TDRKH: variants seen among roughly 807,000 people sequenced by gnomAD.
TDRKH encodes the protein tudor and KH domain containing, also known as tudor and KH domain-containing protein.
In TDRKH, 28 loss-of-function variants were observed where a neutral mutation model predicts 61.3. That is an observed-to-expected ratio of 0.46 (90% confidence interval 0.34 to 0.63). The LOEUF is 0.63. Among genes scored for constraint, TDRKH ranks in the 20% least tolerant of loss-of-function variants. The pLI, the probability that TDRKH is intolerant of heterozygous loss-of-function variation, is 0.01. For missense variants in TDRKH, 540 were observed against 683.4 expected (o/e 0.79, Z 2.34); for synonymous variants, 219 against 244.4 (o/e 0.90, Z 0.97).
Position 151,780,044 on chromosome 1 carries a change from T to C in TDRKH, c.328A>G (p.Lys110Glu). 6.2e-7 allele frequency: 1 copy of C among 1,614,206 alleles called. No homozygotes were observed. Among genetic ancestry groups the C allele is most frequent in the East Asian group, 2.2e-5 (1 of 44,888 alleles). ...ATCTGATGGATTGCTGCTTTGGCCTTGCACACCTGAACAGGAAAACCACTG... is the reference window on the plus strand; with the variant it reads ...ATCTGATGGATTGCTGCTTTGGCCTCGCACACCTGAACAGGAAAACCACTG... ...LISGFPVQVC[K>E]AKAAIHQILT... is the part of the protein sequence containing the mutation. The change falls in exon 4 of 13, where the codon AAG (lysine) becomes GAG (glutamate). Residue 110 changes from lysine (K) to glutamate (E), a missense_variant. Lys to Glu is a moderately conservative substitution (Grantham distance 56). Around this residue, in one of 3 missense-constraint regions of TDRKH, gnomAD observed 156 missense variants for 218.0 expected, o/e 0.72. Coordinates refer to ENST00000368824, the MANE Select transcript of TDRKH (RefSeq NM_001083965.2).
intron 1 of TDRKH, among the ~76,000 whole-genome samples, chr1:151,785,950 C>T (rs1411131634): frequency 6.6e-6 from 1 of 152,062 alleles, no homozygotes; most frequent in Non-Finnish European, 1.5e-5. Context: ...ATAAGATTTG[C>T]TTAAAAATGA....
intron 3 of TDRKH, among the ~76,000 whole-genome samples, chr1:151,780,679 T>C (rs954219726): frequency 6.6e-6 from 1 of 151,924 alleles, no homozygotes; most frequent in Non-Finnish European, 1.5e-5. Flanking sequence ...TGAAACCCTG[T>C]CTCTACAAAA....
intron 3 of TDRKH, 116 bp from the exon 4 acceptor site, chr1:151,780,256 AATACTATCTATACAACC>A: frequency 7.7e-6 from 7 of 914,508 alleles, no homozygotes; most frequent in Non-Finnish European, 8.1e-6. Flanking sequence ...GGAATTAGCT[AATACTATCTATACAACC>A]AGTCCTCAAT....
chr1:151,779,694 C>T lies in TDRKH; in HGVS notation c.421+257G>A, dbSNP rs1649557178. ...GCATCCCAAGCTTCCCTTTAAAAAT[C>T]AATTATAAGGTAAATATAATACATC... On this transcript the variant is annotated intron_variant, in intron 4 of 12. Transcript: ENST00000368824. 3 of 413,208 alleles carry T rather than the reference C, an allele frequency of 7.3e-6. No homozygotes were observed. In the Admixed American group the frequency reaches 1.2e-4, roughly 16 times the overall value. The allele number at this position is 413,208 out of a possible 1,614,324, so 25.6% of individuals were successfully genotyped here. A position where few individuals can be genotyped will look rare whatever the true frequency, so the allele number is the denominator to read the frequency against.
chr1:151,786,726 G>A (rs11204889), intron 1 of TDRKH, among the ~76,000 whole-genome samples: 4,114 of 152,194 alleles, frequency 0.027, 195 homozygotes, highest in African/African-American at 0.095. Context: ...CTTCTTGCCC[G>A]GACTCAAAAG....
chr1:151,777,263 G>T (rs1451090707), intron 6 of TDRKH, among the ~76,000 whole-genome samples: 1 of 152,044 alleles, frequency 6.6e-6, no homozygotes, highest in African/African-American at 2.4e-5. Context: ...TGTCCAACAT[G>T]GTGAAACCCC....
At position 151,776,587 on chromosome 1, in the gene TDRKH, T is replaced by G; in HGVS notation, c.896A>C (p.Asp299Ala). Residue 299 changes from aspartate (D) to alanine (A), a missense_variant, in exon 7 of 13, where the codon GAC (aspartate) becomes GCC (alanine). By Grantham distance (126) the Asp-to-Ala change is moderately radical. Coordinates refer to ENST00000368824, the MANE Select transcript of TDRKH (RefSeq NM_001083965.2). ...GTACTCATCAGCATGAAAACTGAAG[T>G]CAGGACTGGGGACTGAACACAGAGA... ...EMPMFEIPSP[D>A]FSFHADEYLE... 1 of 1,613,960 alleles carries G rather than the reference T, an allele frequency of 6.2e-7. No homozygotes were observed. The highest frequency in any genetic ancestry group is 1.1e-5 in the South Asian group (1 of 91,072).
Position 151,774,509 on chromosome 1 carries a change from T to A in TDRKH, c.1634-5A>T. ...CACCAGACATGGAAGCAGCTTCTATTGAAGATAAATAAGAAGGAGAAAGTT... is the reference window on the plus strand; with the variant it reads ...CACCAGACATGGAAGCAGCTTCTATAGAAGATAAATAAGAAGGAGAAAGTT... On this transcript the variant is annotated splice_region_variant and splice_polypyrimidine_tract_variant and intron_variant, in intron 12 of 12. Transcript: ENST00000368824. 2.5e-6 allele frequency: 4 copies of A among 1,614,146 alleles called. No individual in the cohort carries two copies. The East Asian group carries it at 8.9e-5, about 36-fold the overall frequency.
At chr1:151,778,380 A>G (rs1397565972) in intron 6 of TDRKH, among the ~76,000 whole-genome samples, 1 of 152,188 alleles carries the variant, frequency 6.6e-6, no homozygotes, top group East Asian at 1.9e-4. Context: ...AAGGAAGAAG[A>G]CTTTCATCAA....
At chr1:151,788,080 T>G (rs1177987570) in intron 1 of TDRKH, among the ~76,000 whole-genome samples, 1 of 152,136 alleles carries the variant, frequency 6.6e-6, no homozygotes, top group Non-Finnish European at 1.5e-5. Context: ...ATCTATGGAT[T>G]TGGGTTCTGC....
chr1:151,768,719 G>T (rs1480229250), downstream of TDRKH, among the ~76,000 whole-genome samples: 4 of 152,152 alleles, frequency 2.6e-5, no homozygotes, highest in African/African-American at 7.2e-5. Context: ...CACAGAGGGG[G>T]ATTTGGCAGG....
At chr1:151,775,654 G>A (rs1396043379) in intron 9 of TDRKH, 111 bp from the exon 10 acceptor site, 1 of 1,513,410 alleles carries the variant, frequency 6.6e-7, no homozygotes, top group Non-Finnish European at 8.9e-7. Context: ...TCTCTGGTTG[G>A]GTTGGGTCTG....
At position 151,774,790 on chromosome 1, in the gene TDRKH, G is replaced by T; in HGVS notation, c.1553C>A (p.Ala518Asp). Residue 518 changes from alanine to aspartate, a missense_variant, in exon 12 of 13, where the codon GCC becomes GAC. Transcript: ENST00000368824. ...CTCAGTGAGCAACGTGCTGAGAGAGGCATCTGTTTCTGTGGCCTGAGTGGA... is the reference window on the plus strand; with the variant it reads ...CTCAGTGAGCAACGTGCTGAGAGAGTCATCTGTTTCTGTGGCCTGAGTGGA... ...MLKDMATETD[A>D]SLSTLLTETK... The T allele has an allele frequency of 6.2e-7, 1 of 1,614,186 alleles. No homozygotes were observed. Among genetic ancestry groups the T allele is most frequent in the Non-Finnish European group, 8.5e-7 (1 of 1,180,030 alleles).
intron 4 of TDRKH, chr1:151,779,641 C>T: frequency 2.6e-6 from 1 of 380,592 alleles, no homozygotes; most frequent in Non-Finnish European, 4.7e-6. Context: ...CTCTAGAGCA[C>T]TGTCTTGAAA....
At chr1:151,768,079 G>T, downstream of TDRKH, 4 of 1,613,948 alleles carry the variant, frequency 2.5e-6, no homozygotes, top group Non-Finnish European at 3.4e-6. Flanking sequence ...GACGGTGCTG[G>T]CTACTGACCC....
chr1:151,781,324 A>AT (rs1558145922), intron 3 of TDRKH, among the ~76,000 whole-genome samples, 157 bp downstream of exon 3: 1 of 18,828 alleles, frequency 5.3e-5, no homozygotes, highest in African/African-American at 8.1e-5. Flanking sequence ...TCTCAAAAAA[A>AT]AAAAATATAT....
chr1:151,771,624 A>G (rs1162646578), downstream of TDRKH: 1 of 347,024 alleles, frequency 2.9e-6, no homozygotes, highest in East Asian at 4.5e-5. Context: ...GGAGAAAACC[A>G]GAGAAGGCAC....
intron 3 of TDRKH, among the ~76,000 whole-genome samples, 157 bp downstream of exon 3, chr1:151,781,324 A>ATATATCTATATATATATATATATATATAT: frequency 5.3e-5 from 1 of 18,846 alleles, no homozygotes; most frequent in African/African-American, 8.1e-5. Flanking sequence ...TCTCAAAAAA[A>ATATATCTATATATATATATATATATATAT]AAAAATATAT....
At chr1:151,780,288 T>G (rs1649626532) in intron 3 of TDRKH, 148 bp from the exon 4 acceptor site, 1 of 216,628 alleles carries the variant, frequency 4.6e-6, no homozygotes, top group African/African-American at 3.3e-5. Context: ...CTCAATTACT[T>G]TATATACAAC....
Sources: gnomAD v4.1 joint callset for allele counts (sites outside exome capture counted in the v4.1 genomes callset) on GRCh38, gnomAD v4.1.1 for gene constraint, gnomAD v4.1.1 regional missense constraint, MANE v1.5 for transcripts, NCBI Gene and HGNC (gene_info 2026-07-23, HGNC 2026-07-21) for gene names.